LRRC63: variants seen among roughly 807,000 people sequenced by gnomAD.
LRRC63 encodes leucine rich repeat containing 63.
In LRRC63, 40 loss-of-function variants were observed where a neutral mutation model predicts 49.5. The ratio of observed to expected loss-of-function variants is 0.81; its 90% CI spans 0.63 to 1.05. The LOEUF (loss-of-function observed/expected upper bound fraction) is 1.05. Ranked by LOEUF, LRRC63 falls within the 50% of genes least tolerant of loss-of-function variation. The pLI, the probability that LRRC63 is intolerant of heterozygous loss-of-function variation, is 0.00. For missense variants in LRRC63, 636 were observed against 663.1 expected (o/e 0.96, Z 0.45); for synonymous variants, 191 against 221.1 (o/e 0.86, Z 1.21).
intron 5 of LRRC63, among the ~76,000 whole-genome samples, chr13:46,239,741 A>G (rs2047001812): frequency 6.6e-6 from 1 of 152,210 alleles, no homozygotes; most frequent in African/African-American, 2.4e-5. Context: ...ACACTGATGC[A>G]AAAATCTTCA....
At chr13:46,232,066 C>T (rs768948684) in intron 4 of LRRC63, among the ~76,000 whole-genome samples, 9 of 152,136 alleles carry the variant, frequency 5.9e-5, no homozygotes, top group Non-Finnish European at 1.0e-4. Flanking sequence ...CCGCCGGCCT[C>T]GGCCTCCCAA....
chr13:46,262,820 GA>G (rs1566510920), intron 8 of LRRC63, among the ~76,000 whole-genome samples: 1 of 152,118 alleles, frequency 6.6e-6, no homozygotes, highest in African/African-American at 2.4e-5. Flanking sequence ...ACAGAATAGA[GA>G]AAAACTATGT....
intron 6 of LRRC63, chr13:46,250,110 A>G (rs527796936): frequency 4.1e-6 from 1 of 241,298 alleles, no homozygotes; most frequent in African/African-American, 2.2e-5. Flanking sequence ...ACACTTAGGA[A>G]AGCACCATTC....
At chr13:46,270,860 C>T (rs1192720121) in intron 9 of LRRC63, among the ~76,000 whole-genome samples, 1 of 152,178 alleles carries the variant, frequency 6.6e-6, no homozygotes, top group Non-Finnish European at 1.5e-5. Context: ...TCTCTTGCAT[C>T]TCTCTAACAA....
chr13:46,266,847 T>C, exon 9 of LRRC63: 1 of 1,549,938 alleles, frequency 6.5e-7, no homozygotes, highest in South Asian at 1.2e-5. Context: ...ATCCTTGTTT[T>C]TGGAGAGATA....
intron 2 of LRRC63, 62 bp downstream of exon 2, chr13:46,213,181 C>T (rs1036710924): frequency 5.5e-6 from 6 of 1,092,990 alleles, no homozygotes; most frequent in African/African-American, 1.6e-5. Context: ...AATTCCTTGA[C>T]TTGCACAGCT....
intron 2 of LRRC63, 79 bp downstream of exon 2, chr13:46,213,198 C>A: frequency 1.1e-6 from 1 of 902,758 alleles, no homozygotes; most frequent in South Asian, 1.7e-5. Flanking sequence ...AGCTCAGAAT[C>A]ACAATAAATA....
chr13:46,217,291 G>C (rs530920405), intron 2 of LRRC63, among the ~76,000 whole-genome samples: 2 of 152,270 alleles, frequency 1.3e-5, no homozygotes, highest in East Asian at 3.9e-4. Context: ...TTCAGAACTT[G>C]TTATTGGTCT....
chr13:46,227,383 A>T, intron 2 of LRRC63, 129 bp from the exon 3 acceptor site: 1 of 623,228 alleles, frequency 1.6e-6, no homozygotes, highest in Non-Finnish European at 2.6e-6. Flanking sequence ...TAGCTGAGCA[A>T]GTGTATACAG....
At chr13:46,220,858 G>A (rs1035060149) in intron 2 of LRRC63, among the ~76,000 whole-genome samples, 6 of 152,118 alleles carry the variant, frequency 3.9e-5, no homozygotes, top group Admixed American at 2.0e-4. Flanking sequence ...CCTGGCTAGG[G>A]TTGGGAGCTC....
At chr13:46,212,851 C>T (rs567090465) in intron 1 of LRRC63, among the ~76,000 whole-genome samples, 151 bp from the exon 2 acceptor site, 1 of 152,036 alleles carries the variant, frequency 6.6e-6, no homozygotes, top group Admixed American at 6.5e-5. Flanking sequence ...GAATTATTTT[C>T]TTACCCTCTT....
intron 8 of LRRC63, among the ~76,000 whole-genome samples, chr13:46,265,717 G>A (rs1380687193): frequency 6.6e-6 from 1 of 152,178 alleles, no homozygotes. Context: ...AGGGCTCTCT[G>A]CTGCCGGCCC....
At chr13:46,213,766 T>G (rs1232465340) in intron 2 of LRRC63, among the ~76,000 whole-genome samples, 2 of 152,228 alleles carry the variant, frequency 1.3e-5, no homozygotes, top group Non-Finnish European at 2.9e-5. Context: ...AAAATTAGTG[T>G]TGATCAGTTG....
intron 5 of LRRC63, among the ~76,000 whole-genome samples, chr13:46,243,243 A>C (rs2047116037): frequency 6.6e-6 from 1 of 152,200 alleles, no homozygotes; most frequent in Non-Finnish European, 1.5e-5. Flanking sequence ...AGTTGTCATC[A>C]GTTTAAAATT....
intron 7 of LRRC63, among the ~76,000 whole-genome samples, chr13:46,252,931 A>G (rs1182151187): frequency 6.6e-6 from 1 of 152,074 alleles, no homozygotes; most frequent in African/African-American, 2.4e-5. Context: ...TGCTGTATGC[A>G]ACAAGAAACC....
intron 8 of LRRC63, among the ~76,000 whole-genome samples, chr13:46,265,761 A>G (rs1286443016): frequency 1.3e-5 from 2 of 152,154 alleles, no homozygotes. Context: ...GAAAAAGGTG[A>G]CCATGCCAGC....
At chr13:46,267,752 C>T (rs1252723078) in intron 9 of LRRC63, among the ~76,000 whole-genome samples, 1 of 152,064 alleles carries the variant, frequency 6.6e-6, no homozygotes, top group African/African-American at 2.4e-5. Flanking sequence ...TTCATGAATG[C>T]ACATGAGAAA....
chr13:46,275,179 C>T (rs1363053069), intron 9 of LRRC63, among the ~76,000 whole-genome samples: 5 of 152,146 alleles, frequency 3.3e-5, no homozygotes, highest in African/African-American at 1.2e-4. Flanking sequence ...GAATAGTATT[C>T]CATTGTGTGT....
intron 6 of LRRC63, among the ~76,000 whole-genome samples, chr13:46,248,054 T>G (rs926351519): frequency 2.0e-5 from 3 of 152,054 alleles, no homozygotes; most frequent in Non-Finnish European, 2.9e-5. Flanking sequence ...TAAGTTAGTA[T>G]AAATCTGAAG....
Sources: gnomAD v4.1 joint callset for allele counts (sites outside exome capture counted in the v4.1 genomes callset) on GRCh38, gnomAD v4.1.1 for gene constraint, MANE v1.5 for transcripts, NCBI Gene and HGNC (gene_info 2026-07-23, HGNC 2026-07-21) for gene names.